Variants in PHF20L1 observed in about 807,000 individuals in gnomAD.
PHF20L1 encodes PHD finger protein 20-like protein 1.
Under a neutral mutation model 125.5 loss-of-function variants are expected in PHF20L1, and 44 were observed. That is an observed-to-expected ratio of 0.35 (90% CI 0.28 to 0.45). The LOEUF (loss-of-function observed/expected upper bound fraction) is 0.45, where lower values mean the gene tolerates loss of function less well. Ranked by LOEUF, PHF20L1 falls within the 20% of genes least tolerant of loss-of-function variation. PHF20L1 has a pLI of 1.00. For synonymous variants in PHF20L1, 380 were observed against 403.1 expected, an observed-to-expected ratio of 0.94 and a Z score of 0.69; for missense variants, 1,012 against 1,217.2, an observed-to-expected ratio of 0.83 and a Z score of 2.51.
rs778675513 is a variant in PHF20L1, at chr8:132,799,170, G to C, written c.505G>C (p.Glu169Gln). Residue 169 changes from glutamate to glutamine, a missense_variant and splice_region_variant, in exon 6 of 21, where the codon GAG becomes CAG. Transcript: ENST00000395386. Reference sequence around the variant, plus strand: ...ATCGTGTAACCAGTCTATGGGAAGTGAGGTAAGAGCCTTTTTTTTAAAAAT... The same window carrying C: ...ATCGTGTAACCAGTCTATGGGAAGTCAGGTAAGAGCCTTTTTTTTAAAAAT... ...AGSCNQSMGSEDWIALVKAAA... is the reference protein window; with the variant it reads ...AGSCNQSMGSQDWIALVKAAA... 8 of 1,596,210 alleles carry C rather than the reference G, an allele frequency of 5.0e-6. No homozygotes were observed. In the Admixed American group the frequency reaches 1.3e-4, roughly 27 times the overall value.
chr8:132,841,647 A>T (rs1282663132), intron 18 of PHF20L1: 2 of 152,086 alleles, frequency 1.3e-5, no homozygotes, highest in Non-Finnish European at 2.9e-5. Flanking sequence ...GTACAATATC[A>T]TGCTTACATG....
chr8:132,838,695 A>G (rs1837627352), intron 17 of PHF20L1: 1 of 152,196 alleles, frequency 6.6e-6, no homozygotes, highest in Admixed American at 6.5e-5. Flanking sequence ...ATTCACAGCC[A>G]TATGAATGTA....
In PHF20L1 at chr8:132,777,198, G is replaced by C. The variant is rs1829905797; in HGVS notation, c.-37-594G>C. ...TTAAATTAAAATTATTGAATTATGT[G>C]CTACCAAGGTGGGAGATCATGGGTA... On this transcript the variant is annotated intron_variant, in intron 1 of 20. Transcript: ENST00000395386. 2.0e-5 allele frequency among the ~76,000 whole-genome samples: 3 copies of C among 152,172 alleles called. No homozygotes were observed. The South Asian group carries it at 6.2e-4, about 32-fold the overall frequency.
chr8:132,786,238 T>C (rs1446670161), intron 2 of PHF20L1, among the ~76,000 whole-genome samples: 1 of 152,150 alleles, frequency 6.6e-6, no homozygotes, highest in Non-Finnish European at 1.5e-5. Context: ...AGCTACTTTC[T>C]TTACTCCAAT....
rs549343082 is a variant in PHF20L1 at position 132,800,378 on chromosome 8, G to A, written c.507+1206G>A. 2.6e-5 allele frequency among the ~76,000 whole-genome samples: 4 copies of A among 151,472 alleles called. No individual in the cohort carries two copies. In the South Asian group the frequency reaches 6.2e-4, roughly 24 times the overall value. On this transcript the variant is annotated intron_variant, in intron 6 of 20. Coordinates refer to ENST00000395386, the MANE Select transcript of PHF20L1 (RefSeq NM_016018.5). ...CTTTATAATTCTTAATCACAGCAAC[G>A]TTAACAATATTTGTAGAATTGTGTT... is the stretch of plus-strand genomic sequence containing the variant.
In PHF20L1 at chr8:132,803,992, A is replaced by G. The variant is rs1833393729; in HGVS notation, c.681A>G (p.Val227=). 2 of 1,612,084 alleles carry G rather than the reference A, an allele frequency of 1.2e-6. No individual in the cohort carries two copies. The highest frequency in any genetic ancestry group is 3.3e-5 in the Admixed American group (2 of 59,894). The change falls in exon 7 of 21, where the codon GTA becomes GTG. Residue 227 remains valine, a synonymous_variant. Transcript: ENST00000395386. ...ETSTCIATPD[V]EKKEDLPTSS... ...CAACTTGTATAGCCACACCAGACGT[A>G]GAGAAGAAGGAAGATCTGCCTACAT...
chr8:132,777,847 A>T lies in PHF20L1; in HGVS notation c.19A>T (p.Asn7Tyr), dbSNP rs375637162. The T allele has an allele frequency of 1.2e-6, 2 of 1,612,626 alleles. No individual in the cohort carries two copies. Among genetic ancestry groups the T allele is most frequent in the Admixed American group, 1.7e-5 (1 of 59,978 alleles). The change falls in exon 2 of 21, where the codon AAT becomes TAT. Residue 7 changes from asparagine (N) to tyrosine (Y), a missense_variant. This residue lies in a region of PHF20L1 where 94 missense variants were observed against 179.5 expected (regional missense o/e 0.52). Transcript: ENST00000395386. ...TCTCAAGATGAGTAAAAAGCCCCCA[A>T]ATCGCCCTGGAATCACTTTTGAGAT... is the stretch of plus-strand genomic sequence containing the variant. MSKKPPNRPGITFEIGA... is the reference protein window; with the variant it reads MSKKPPYRPGITFEIGA...
At chr8:132,833,999 T>C (rs993082040) in intron 15 of PHF20L1, among the ~76,000 whole-genome samples, 3 of 152,072 alleles carry the variant, frequency 2.0e-5, no homozygotes, top group African/African-American at 7.2e-5. Flanking sequence ...ACTTGCAAAA[T>C]GCTGTCTCAG....
At chr8:132,804,094 A>AGGGATTTGACTTT in intron 7 of PHF20L1, 62 bp downstream of exon 7, 2 of 1,098,028 alleles carry the variant, frequency 1.8e-6, no homozygotes, top group Non-Finnish European at 1.4e-6. Context: ...AGTAAAGTCA[A>AGGGATTTGACTTT]ATCCCTTGGC....
At chr8:132,779,381 G>A (rs1450218498) in intron 2 of PHF20L1, among the ~76,000 whole-genome samples, 1 of 152,174 alleles carries the variant, frequency 6.6e-6, no homozygotes, top group Non-Finnish European at 1.5e-5. Flanking sequence ...AGTTGAGGCA[G>A]CACTTGTCTA....
At chr8:132,811,268 C>T in intron 9 of PHF20L1, 140 bp downstream of exon 9, 1 of 1,432,846 alleles carries the variant, frequency 7.0e-7, no homozygotes, top group Non-Finnish European at 9.2e-7. Flanking sequence ...ATTTTTAACT[C>T]TGCCTTCTCC....
chr8:132,847,516 T>C lies in PHF20L1; in HGVS notation c.*1593T>C, dbSNP rs1838504026. ...CTGTACATTCAGATATTATTTAAATTTGCAAACACATTGTTCTATATGTAA... is the reference window on the plus strand; with the variant it reads ...CTGTACATTCAGATATTATTTAAATCTGCAAACACATTGTTCTATATGTAA... On this transcript the variant is annotated 3_prime_UTR_variant, in exon 21 of 21. Coordinates refer to ENST00000395386, the MANE Select transcript of PHF20L1 (RefSeq NM_016018.5). The C allele has an allele frequency of 6.6e-6, 1 of 152,592 alleles. No homozygotes were observed. Among genetic ancestry groups the C allele is most frequent in the African/African-American group, 2.4e-5 (1 of 41,450 alleles). 9.5% of individuals were successfully genotyped at this position (152,592 alleles called of 1,614,324 possible). A position where few individuals can be genotyped will look rare whatever the true frequency, so the allele number is the denominator to read the frequency against.
intron 9 of PHF20L1, 99 bp downstream of exon 9, chr8:132,811,227 T>G (rs1399714279): frequency 1.9e-6 from 3 of 1,555,372 alleles, no homozygotes; most frequent in Admixed American, 3.9e-5. Context: ...TGATCAGATA[T>G]GGGAATAGGA....
chr8:132,830,926 C>T (rs539168123), intron 14 of PHF20L1, among the ~76,000 whole-genome samples: 2 of 152,192 alleles, frequency 1.3e-5, no homozygotes, highest in African/African-American at 4.8e-5. Flanking sequence ...ACGCATAAAC[C>T]TGGAAATCAA....
Position 132,777,811 on chromosome 8 carries a change from G to A in PHF20L1, c.-18G>A. 1.3e-6 allele frequency: 2 copies of A among 1,563,224 alleles called. No homozygotes were observed. Among genetic ancestry groups the A allele is most frequent in the Non-Finnish European group, 1.8e-6 (2 of 1,134,436 alleles). ...CTTGAGGTAGTGAAAAGAGAATACTGAAGAATAGGATCTCAAGATGAGTAA... is the reference window on the plus strand; with the variant it reads ...CTTGAGGTAGTGAAAAGAGAATACTAAAGAATAGGATCTCAAGATGAGTAA... On this transcript the variant is annotated 5_prime_UTR_variant, in exon 2 of 21. Coordinates refer to ENST00000395386, the MANE Select transcript of PHF20L1 (RefSeq NM_016018.5).
At chr8:132,834,797 A>T (rs1358389105) in intron 15 of PHF20L1, among the ~76,000 whole-genome samples, 1 of 152,066 alleles carries the variant, frequency 6.6e-6, no homozygotes, top group Non-Finnish European at 1.5e-5. Context: ...TACTGTTCAT[A>T]CTAGATTTTC....
At position 132,831,630 on chromosome 8, in the gene PHF20L1, A is replaced by G. The variant is rs536304687; in HGVS notation, c.1745-605A>G. Among the ~76,000 whole-genome samples the G allele has an allele frequency of 3.0e-4, 45 of 152,068 alleles. 1 individual carries two copies. In the South Asian group the frequency reaches 8.3e-3, roughly 28 times the overall value. The stretch of plus-strand genomic sequence containing the variant: ...GAAAAAAGGTGAATTTCCATCTTGC[A>G]TATCTTTTTTTTTTCCTCTTCAACT... On this transcript the variant is annotated intron_variant, in intron 14 of 20. Coordinates refer to ENST00000395386, the MANE Select transcript of PHF20L1 (RefSeq NM_016018.5).
chr8:132,839,951 GGTGA>G (rs1465645994), intron 18 of PHF20L1, among the ~76,000 whole-genome samples: 1 of 152,016 alleles, frequency 6.6e-6, no homozygotes, highest in East Asian at 1.9e-4. Context: ...TTCTAAGCAG[GGTGA>G]GTATTTTTTT....
chr8:132,784,875 T>C (rs1419241035), intron 2 of PHF20L1, among the ~76,000 whole-genome samples: 1 of 152,204 alleles, frequency 6.6e-6, no homozygotes, highest in Non-Finnish European at 1.5e-5. Flanking sequence ...CCTGAAAGTC[T>C]GGCAAGCCTA....
Sources: allele counts gnomAD v4.1 joint callset (sites outside exome capture counted in the v4.1 genomes callset), GRCh38; gene constraint gnomAD v4.1.1; regional missense constraint gnomAD v4.1.1; transcripts MANE v1.5; gene names NCBI Gene and HGNC (gene_info 2026-07-23, HGNC 2026-07-21).